The following IQGAP2 variants were observed in gnomAD, a reference collection of about 807,000 sequenced individuals.
IQGAP2 encodes ras GTPase-activating-like protein IQGAP2.
Under a neutral mutation model 201.3 loss-of-function variants are expected in IQGAP2, and 173 were observed. The observed-to-expected ratio is 0.86, with a 90% CI of 0.76 to 0.98. The LOEUF (loss-of-function observed/expected upper bound fraction) is 0.98. IQGAP2 is among the 50% of genes least tolerant of loss of function. IQGAP2 has a pLI of 0.00. For synonymous variants in IQGAP2, 675 were observed against 673.9 expected, an observed-to-expected ratio of 1.00 and a Z score of -0.03; for missense variants, 1,687 against 1,864.8, an observed-to-expected ratio of 0.90 and a Z score of 1.76.
chr5:76,647,248 A>G (rs1030301743), intron 17 of IQGAP2, among the ~76,000 whole-genome samples: 42 of 152,330 alleles, frequency 2.8e-4, no homozygotes, highest in African/African-American at 8.2e-4. Flanking sequence ...CAGACTAAGT[A>G]GTGAACCTTG....
chr5:76,541,007 CTTT>C (rs577217174), intron 2 of IQGAP2, among the ~76,000 whole-genome samples: 3 of 152,172 alleles, frequency 2.0e-5, no homozygotes, highest in East Asian at 1.9e-4. Flanking sequence ...CACAGCTTTT[CTTT>C]TTTTTATCGT....
chr5:76,496,750 TTTCTTTCTTTC>T lies in IQGAP2; in HGVS notation c.146+35084_146+35094del, dbSNP rs1561416389. On this transcript the variant is annotated intron_variant, in intron 2 of 35. Coordinates refer to ENST00000274364, the MANE Select transcript of IQGAP2 (RefSeq NM_006633.5). The stretch of plus-strand genomic sequence containing the variant: ...TTTTCTTTCTTTCTTTCTTTCTTTC[TTTCTTTCTTTC>T]TTTCTTTCTTTCTTTCTTTCTTTCT... 1.7e-3 allele frequency among the ~76,000 whole-genome samples: 110 copies of T among 65,572 alleles called. 1 individual carries two copies. Among genetic ancestry groups the T allele is most frequent in the East Asian group, 4.2e-3 (10 of 2,362 alleles). The allele number at this position is 65,572 out of a possible 152,430, so 43.0% of individuals were successfully genotyped here. A position where few individuals can be genotyped will look rare whatever the true frequency, so the allele number is the denominator to read the frequency against.
intron 2 of IQGAP2, among the ~76,000 whole-genome samples, chr5:76,532,157 T>C (rs1396482326): frequency 6.6e-6 from 1 of 152,246 alleles, no homozygotes; most frequent in Non-Finnish European, 1.5e-5. Flanking sequence ...CAATGTTTTG[T>C]AATCATTTTC....
chr5:76,457,169 T>G (rs1159220580), intron 1 of IQGAP2, among the ~76,000 whole-genome samples: 1 of 152,006 alleles, frequency 6.6e-6, no homozygotes, highest in Non-Finnish European at 1.5e-5. Context: ...TGTATTTTTT[T>G]GTAGAGATGG....
chr5:76,579,889 C>A (rs573473595), intron 5 of IQGAP2, among the ~76,000 whole-genome samples: 13 of 152,166 alleles, frequency 8.5e-5, no homozygotes, highest in Non-Finnish European at 1.6e-4. Context: ...TATCTTGGGG[C>A]ACTTCCTTTG....
intron 2 of IQGAP2, among the ~76,000 whole-genome samples, chr5:76,531,906 T>G (rs1334916568): frequency 6.6e-6 from 1 of 152,144 alleles, no homozygotes; most frequent in African/African-American, 2.4e-5. Context: ...ATCAAGACAT[T>G]GGTAGATTCG....
At chr5:76,507,655 C>A (rs1174578671) in intron 2 of IQGAP2, among the ~76,000 whole-genome samples, 1 of 152,176 alleles carries the variant, frequency 6.6e-6, no homozygotes, top group African/African-American at 2.4e-5. Context: ...TGATAAAAGA[C>A]TGTTTTTCAA....
At chr5:76,513,850 A>G (rs181280826) in intron 2 of IQGAP2, among the ~76,000 whole-genome samples, 54 of 152,308 alleles carry the variant, frequency 3.5e-4, no homozygotes, top group African/African-American at 1.3e-3. Context: ...ACTATGGATT[A>G]TAGTTATTAA....
chr5:76,650,850 A>G (rs959736532), intron 17 of IQGAP2, among the ~76,000 whole-genome samples: 1 of 152,198 alleles, frequency 6.6e-6, no homozygotes, highest in East Asian at 1.9e-4. Flanking sequence ...TGTTCCCCCT[A>G]TTAGTGAACA....
In IQGAP2 at chr5:76,693,240, G is replaced by GT. The variant is rs111762308; in HGVS notation, c.3906-114dup. On this transcript the variant is annotated intron_variant, in intron 30 of 35. Coordinates refer to ENST00000274364, the MANE Select transcript of IQGAP2 (RefSeq NM_006633.5). ...ATCCGCAAGAATGTTTTATTTTAAG[G>GT]TATTATCTTTGAAGCTTCAGTATTG... is the stretch of plus-strand genomic sequence containing the variant. The GT allele has an allele frequency of 8.6e-5, 54 of 625,718 alleles. 3 individuals carry two copies. Among genetic ancestry groups the GT allele is most frequent in the African/African-American group, 7.2e-4 (39 of 54,138 alleles). The allele number at this position is 625,718 out of a possible 1,614,324, so 38.8% of individuals were successfully genotyped here. A position where few individuals can be genotyped will look rare whatever the true frequency, so the allele number is the denominator to read the frequency against.
chr5:76,426,338 C>T (rs1751992599), intron 1 of IQGAP2, among the ~76,000 whole-genome samples: 1 of 152,136 alleles, frequency 6.6e-6, no homozygotes, highest in Admixed American at 6.5e-5. Flanking sequence ...TTGTGCCAGC[C>T]CTGGGCAAGC....
intron 21 of IQGAP2, among the ~76,000 whole-genome samples, chr5:76,662,344 ACT>A (rs1159251680): frequency 6.6e-6 from 1 of 151,454 alleles, no homozygotes; most frequent in African/African-American, 2.4e-5. Flanking sequence ...GCCTTCACCA[ACT>A]CTCTCTGTTT....
chr5:76,496,062 C>T (rs781592105), intron 2 of IQGAP2, among the ~76,000 whole-genome samples: 14 of 152,206 alleles, frequency 9.2e-5, no homozygotes, highest in South Asian at 2.1e-4. Flanking sequence ...AAGAGCAGCC[C>T]TCAGCGGAGG....
chr5:76,658,347 A>G, intron 20 of IQGAP2, 112 bp from the exon 21 acceptor site: 1 of 872,746 alleles, frequency 1.1e-6, no homozygotes, highest in Middle Eastern at 2.4e-4. Context: ...ACCCTAGACC[A>G]AGTACTTTCA....
intron 2 of IQGAP2, among the ~76,000 whole-genome samples, chr5:76,523,678 CATCAGCA>C (rs1228961787): frequency 6.6e-6 from 1 of 152,158 alleles, no homozygotes; most frequent in Non-Finnish European, 1.5e-5. Context: ...ATGGGGGCAT[CATCAGCA>C]ATCTATTCTG....
At chr5:76,457,614 C>A (rs1445916341) in intron 1 of IQGAP2, among the ~76,000 whole-genome samples, 2 of 152,026 alleles carry the variant, frequency 1.3e-5, no homozygotes, top group African/African-American at 4.8e-5. Flanking sequence ...GTGAAGGTAG[C>A]AGGTAGAGAA....
chr5:76,661,645 G>A (rs1427569536), intron 21 of IQGAP2, among the ~76,000 whole-genome samples: 1 of 152,130 alleles, frequency 6.6e-6, no homozygotes, highest in Admixed American at 6.5e-5. Flanking sequence ...CCTGGAAAAT[G>A]TTCTAGGTGA....
chr5:76,675,717 T>C (rs1311234608), intron 27 of IQGAP2, among the ~76,000 whole-genome samples: 1 of 152,218 alleles, frequency 6.6e-6, no homozygotes, highest in Non-Finnish European at 1.5e-5. Context: ...TCGGTCTCCC[T>C]TGGAGTGAGT....
At chr5:76,627,377 T>C (rs1313315575) in intron 13 of IQGAP2, 33 bp from the exon 14 acceptor site, 4 of 1,348,288 alleles carry the variant, frequency 3.0e-6, no homozygotes, top group South Asian at 1.2e-5. Flanking sequence ...TCATTCACTC[T>C]TCTTTCTTTT....
Sources: allele counts gnomAD v4.1 joint callset (sites outside exome capture counted in the v4.1 genomes callset), GRCh38; gene constraint gnomAD v4.1.1; transcripts MANE v1.5; gene names NCBI Gene and HGNC (gene_info 2026-07-23, HGNC 2026-07-21).